OR6F1: variants seen among roughly 807,000 people sequenced by gnomAD.
OR6F1 encodes the protein olfactory receptor 6F1.
For missense variants in OR6F1, 346 were observed against 376.0 expected (o/e 0.92, Z 0.66); for synonymous variants, 144 against 150.0 (o/e 0.96, Z 0.29).
intron 1 of OR6F1, among the ~76,000 whole-genome samples, chr1:247,714,265 A>G (rs1044101698): frequency 1.3e-5 from 2 of 152,168 alleles, no homozygotes; most frequent in African/African-American, 4.8e-5. Flanking sequence ...CCTTTCTACC[A>G]GGAAGGATTG....
In OR6F1 at chr1:247,711,693, C is replaced by T. The variant is rs898578158; in HGVS notation, c.*136G>A. On this transcript the variant is annotated 3_prime_UTR_variant, in exon 3 of 3. Transcript: ENST00000641470. ...CATACATGATAATGTATAGAAAATA[C>T]AGTATTGCTTGTTTTGTTTGTTTGT... The T allele has an allele frequency of 1.6e-5, 10 of 622,484 alleles. No homozygotes were observed. Among genetic ancestry groups the T allele is most frequent in the Middle Eastern group, 4.0e-4 (1 of 2,480 alleles). 38.6% of individuals were successfully genotyped at this position (622,484 alleles called of 1,614,324 possible). A position where few individuals can be genotyped will look rare whatever the true frequency, so the allele number is the denominator to read the frequency against.
Position 247,712,346 on chromosome 1 carries a change from C to G in OR6F1, c.410G>C (p.Ser137Thr), listed in dbSNP as rs759034224. ...CYPLHYGAIMSSLLSAQLALG... is the reference protein window; with the variant it reads ...CYPLHYGAIMTSLLSAQLALG... ...GGCCAGCTGCGCTGAGAGCAGGCTA[C>G]TCATGATGGCTCCGTAGTGTAAAGG... Residue 137 changes from serine to threonine, a missense_variant, in exon 3 of 3, where the codon AGT (serine) becomes ACT (threonine). Transcript: ENST00000641470. 8 of 1,614,026 alleles carry G rather than the reference C, an allele frequency of 5.0e-6. No homozygotes were observed. The Admixed American group carries it at 1.3e-4, about 27-fold the overall frequency.
At position 247,711,463 on chromosome 1, in the gene OR6F1, A is replaced by G. The variant is rs1659996861; in HGVS notation, c.*366T>C. On this transcript the variant is annotated 3_prime_UTR_variant, in exon 3 of 3. Coordinates refer to ENST00000641470, the MANE Select transcript of OR6F1 (RefSeq NM_001005286.2). ...CTATTTCTCTTCCCTCGTGTTCCAC[A>G]AATGTAGTTCTCAATATTTTATACT... 1 of 175,704 alleles carries G rather than the reference A, an allele frequency of 5.7e-6. No individual in the cohort carries two copies. The highest frequency in any genetic ancestry group is 1.2e-5 in the Non-Finnish European group (1 of 82,304). 10.9% of individuals were successfully genotyped at this position (175,704 alleles called of 1,614,324 possible). A position where few individuals can be genotyped will look rare whatever the true frequency, so the allele number is the denominator to read the frequency against.
rs1326179549 is a variant in OR6F1 at position 247,711,625 on chromosome 1, C to T, written c.*204G>A. Reference sequence around the variant, plus strand: ...TAATTCAATGTATAATTATTTTTTGCTTAAAAATCCCATTTGCTTATGTCA... The same window carrying T: ...TAATTCAATGTATAATTATTTTTTGTTTAAAAATCCCATTTGCTTATGTCA... On this transcript the variant is annotated 3_prime_UTR_variant, in exon 3 of 3. Transcript: ENST00000641470. 4 of 453,670 alleles carry T rather than the reference C, an allele frequency of 8.8e-6. No individual in the cohort carries two copies. Among genetic ancestry groups the T allele is most frequent in the South Asian group, 4.5e-5 (1 of 22,330 alleles). The allele number at this position is 453,670 out of a possible 1,614,324, so 28.1% of individuals were successfully genotyped here.
rs41268353 is a variant in OR6F1 at position 247,712,012 on chromosome 1, C to A, written c.744G>T (p.Val248=). 101,216 of 1,613,992 alleles carry A rather than the reference C, an allele frequency of 0.063. 3,615 individuals carry two copies. The highest frequency in any genetic ancestry group is 0.11 in the Middle Eastern group (661 of 6,062). ...AAACTGTGGACCCATACCAAATGAGCACCACGGTGAGATGCGAGGAGCACG... is the reference window on the plus strand; with the variant it reads ...AAACTGTGGACCCATACCAAATGAGAACCACGGTGAGATGCGAGGAGCACG... ...FSTCSSHLTV[V]LIWYGSTVFL... The change falls in exon 3 of 3, where the codon GTG becomes GTT. Residue 248 remains valine (V), a synonymous_variant. Coordinates refer to ENST00000641470, the MANE Select transcript of OR6F1 (RefSeq NM_001005286.2).
Position 247,712,133 on chromosome 1 carries a change from A to G in OR6F1, c.623T>C (p.Leu208Pro), listed in dbSNP as rs933973753. Residue 208 changes from leucine to proline, a missense_variant, in exon 3 of 3, where the codon CTG becomes CCG. Leu to Pro is a moderately conservative substitution (Grantham distance 98). Coordinates refer to ENST00000641470, the MANE Select transcript of OR6F1 (RefSeq NM_001005286.2). ...GACAAAGGTGATGAGGCATGAACTC[A>G]GGATAACCACAACAGCAATCACAAA... Reference protein sequence around the residue: ...VAFVIAVVVILSSCLITFVSY... With the variant: ...VAFVIAVVVIPSSCLITFVSY... The G allele has an allele frequency of 3.7e-6, 6 of 1,614,222 alleles. No individual in the cohort carries two copies. The highest frequency in any genetic ancestry group is 1.3e-5 in the African/African-American group (1 of 75,074).
intron 1 of OR6F1, among the ~76,000 whole-genome samples, chr1:247,715,431 A>ATT (rs1041651238): frequency 3.9e-5 from 6 of 152,200 alleles, no homozygotes; most frequent in African/African-American, 1.4e-4. Flanking sequence ...CCAGAACCAT[A>ATT]TTATGAAATG....
chr1:247,714,290 A>G (rs1660065777), intron 1 of OR6F1, among the ~76,000 whole-genome samples: 1 of 152,162 alleles, frequency 6.6e-6, no homozygotes, highest in South Asian at 2.1e-4. Flanking sequence ...ATTTTTAATC[A>G]CCAAAGACAA....
In OR6F1 at chr1:247,712,675, G is replaced by A. The variant is rs867852098; in HGVS notation, c.81C>T (p.Leu27=). ...TGTACATCACCAGAAAAAGCATAAAGAGAGAGAGCTGAAGAGTTTGAGAAC... is the reference window on the plus strand; with the variant it reads ...TGTACATCACCAGAAAAAGCATAAAAAGAGAGAGCTGAAGAGTTTGAGAAC... The part of the protein sequence containing the change: ...FPGSQTLQLS[L]FMLFLVMYIL... Residue 27 remains leucine, a synonymous_variant, in exon 3 of 3, where the codon CTC becomes CTT. Transcript: ENST00000641470. 6.2e-7 allele frequency: 1 copy of A among 1,612,900 alleles called. No individual in the cohort carries two copies. The highest frequency in any genetic ancestry group is 8.5e-7 in the Non-Finnish European group (1 of 1,179,662).
rs200056431 is a variant in OR6F1 at position 247,712,561 on chromosome 1, G to A, written c.195C>T (p.Asn65=). The A allele has an allele frequency of 2.5e-6, 4 of 1,614,070 alleles. No individual in the cohort carries two copies. The highest frequency in any genetic ancestry group is 2.5e-6 in the Non-Finnish European group (3 of 1,179,916). The change falls in exon 3 of 3, where the codon AAC becomes AAT. Residue 65 remains asparagine, a synonymous_variant. Coordinates refer to ENST00000641470, the MANE Select transcript of OR6F1 (RefSeq NM_001005286.2). The part of the protein sequence containing the change: ...LHTPMYFFLS[N]LSFLEIWYTT... ...TATACCAAATCTCCAGGAAGGAGAGGTTGCTCAGAAAGAAGTACATGGGGG... is the reference window on the plus strand; with the variant it reads ...TATACCAAATCTCCAGGAAGGAGAGATTGCTCAGAAAGAAGTACATGGGGG...
chr1:247,712,626 C>G lies in OR6F1; in HGVS notation c.130G>C (p.Ala44Pro). 22 of 1,613,776 alleles carry G rather than the reference C, an allele frequency of 1.4e-5. No homozygotes were observed. Among genetic ancestry groups the G allele is most frequent in the Non-Finnish European group, 1.8e-5 (21 of 1,179,752 alleles). The change falls in exon 3 of 3, where the codon GCT becomes CCT. Residue 44 changes from alanine to proline, a missense_variant. Ala to Pro is a conservative substitution (Grantham distance 27). Transcript: ENST00000641470. ...GAGGTGCTCACCAACATCAAGATAG[C>G]CACATTACCACTAACTGTGAGGATG... ...MYILTVSGNVAILMLVSTSHQ... is the reference protein window; with the variant it reads ...MYILTVSGNVPILMLVSTSHQ...
rs1037422030 is a variant in OR6F1 at position 247,712,562 on chromosome 1, T to A, written c.194A>T (p.Asn65Ile). The change falls in exon 3 of 3, where the codon AAC becomes ATC. Residue 65 changes from asparagine (N) to isoleucine (I), a missense_variant. Physicochemically the swap from Asn to Ile is moderately radical, Grantham distance 149. Coordinates refer to ENST00000641470, the MANE Select transcript of OR6F1 (RefSeq NM_001005286.2). ...ATACCAAATCTCCAGGAAGGAGAGG[T>A]TGCTCAGAAAGAAGTACATGGGGGT... is the stretch of plus-strand genomic sequence containing the variant. ...LHTPMYFFLS[N>I]LSFLEIWYTT... The A allele has an allele frequency of 1.2e-6, 2 of 1,613,864 alleles. No individual in the cohort carries two copies. The highest frequency in any genetic ancestry group is 2.7e-5 in the African/African-American group (2 of 74,882).
intron 1 of OR6F1, among the ~76,000 whole-genome samples, chr1:247,715,516 A>G (rs1177126891): frequency 6.6e-6 from 1 of 152,220 alleles, no homozygotes; most frequent in Non-Finnish European, 1.5e-5. Flanking sequence ...CGTGAAGCAC[A>G]TGATGATCAA....
intron 2 of OR6F1, among the ~76,000 whole-genome samples, chr1:247,713,028 GAC>G (rs1660038557): frequency 1.3e-5 from 2 of 152,286 alleles, no homozygotes; most frequent in African/African-American, 4.8e-5. Context: ...ATTCTGGAAA[GAC>G]TGCACTAATA....
At position 247,711,490 on chromosome 1, in the gene OR6F1, A is replaced by G. The variant is rs2282317; in HGVS notation, c.*339T>C. On this transcript the variant is annotated 3_prime_UTR_variant, in exon 3 of 3. Coordinates refer to ENST00000641470, the MANE Select transcript of OR6F1 (RefSeq NM_001005286.2). ...ATGTAGTTCTCAATATTTTATACTA[A>G]GACAATTTTGCTAATCTTTAAAAAG... is the stretch of plus-strand genomic sequence containing the variant. 27,706 of 189,108 alleles carry G rather than the reference A, an allele frequency of 0.15. 3,294 individuals are homozygous for G. The highest frequency in any genetic ancestry group is 0.35 in the African/African-American group (14,633 of 42,350). The allele number at this position is 189,108 out of a possible 1,614,324, so 11.7% of individuals were successfully genotyped here. A position where few individuals can be genotyped will look rare whatever the true frequency, so the allele number is the denominator to read the frequency against.
At chr1:247,715,152 C>T (rs1397640514) in intron 1 of OR6F1, among the ~76,000 whole-genome samples, 1 of 152,192 alleles carries the variant, frequency 6.6e-6, no homozygotes, top group African/African-American at 2.4e-5. Flanking sequence ...TCCAAGACGT[C>T]TGATTCTGGA....
chr1:247,712,933 A>G lies in OR6F1; in HGVS notation c.-62-116T>C, dbSNP rs993683070. The G allele has an allele frequency of 1.2e-5, 6 of 514,648 alleles. No homozygotes were observed. In the Admixed American group the frequency reaches 1.4e-4, roughly 12 times the overall value. 31.9% of individuals were successfully genotyped at this position (514,648 alleles called of 1,614,324 possible). A position where few individuals can be genotyped will look rare whatever the true frequency, so the allele number is the denominator to read the frequency against. ...CTCTGTGTTTGGAGGCATAGTTAAT[A>G]TCAGTTATTTTAATGAAACAGTGAG... On this transcript the variant is annotated intron_variant, in intron 2 of 2. Transcript: ENST00000641470.
At position 247,712,440 on chromosome 1, in the gene OR6F1, A is replaced by C. The variant is rs781395789; in HGVS notation, c.316T>G (p.Ser106Ala). The C allele has an allele frequency of 1.5e-5, 25 of 1,614,024 alleles. No homozygotes were observed. In the Admixed American group the frequency reaches 3.2e-4, roughly 20 times the overall value. ...AGGAAGTACTCTGTGCAGCCTAATG[A>C]GAAAACAAAGTACATCTGCAAAAGA... ...SCLLQMYFVF[S>A]LGCTEYFLLA... is the part of the protein sequence containing the mutation. The change falls in exon 3 of 3, where the codon TCA (serine) becomes GCA (alanine). Residue 106 changes from serine to alanine, a missense_variant. Transcript: ENST00000641470.
chr1:247,716,307 T>C (rs1572463539), intron 1 of OR6F1, 24 bp downstream of exon 1: 1 of 152,308 alleles, frequency 6.6e-6, no homozygotes, highest in African/African-American at 2.4e-5. Context: ...ACTTGTCGAA[T>C]GCATAATCAC....
Sources: gnomAD v4.1 joint callset for allele counts (sites outside exome capture counted in the v4.1 genomes callset) on GRCh38, gnomAD v4.1.1 for gene constraint, MANE v1.5 for transcripts, NCBI Gene and HGNC (gene_info 2026-07-23, HGNC 2026-07-21) for gene names.